Variants in ARMH1 observed in about 807,000 individuals in gnomAD.
The protein encoded by ARMH1 is armadillo-like helical domain containing protein 1.
In ARMH1, 34 loss-of-function variants were observed where a neutral mutation model predicts 50.2. The observed-to-expected ratio is 0.68, with a 90% CI of 0.51 to 0.90. The LOEUF is 0.90. Ranked by LOEUF, ARMH1 falls within the 40% of genes least tolerant of loss-of-function variation. The probability of loss-of-function intolerance (pLI) is 0.00; values close to 1 mark genes in which losing one functional copy is unlikely to be tolerated. For missense variants in ARMH1, 538 were observed against 553.9 expected (o/e 0.97, Z 0.29); for synonymous variants, 221 against 224.2 (o/e 0.99, Z 0.13).
At chr1:44,702,214 C>T (rs1352460704) in intron 5 of ARMH1, among the ~76,000 whole-genome samples, 3 of 152,174 alleles carry the variant, frequency 2.0e-5, no homozygotes, top group East Asian at 1.9e-4. Context: ...CTTATCTACA[C>T]GCTCTCTCTT....
At chr1:44,704,249 C>A in intron 6 of ARMH1, 76 bp downstream of exon 6, 1 of 1,113,482 alleles carries the variant, frequency 9.0e-7, no homozygotes, top group Non-Finnish European at 1.3e-6. Context: ...CTCTTAGTCA[C>A]AAAGAGCCTT....
intron 6 of ARMH1, among the ~76,000 whole-genome samples, chr1:44,721,051 C>CA (rs770266507): frequency 4.0e-5 from 6 of 151,254 alleles, no homozygotes; most frequent in Admixed American, 6.6e-5. Flanking sequence ...CAAAACAAAA[C>CA]AAAAAAAGGG....
rs144707449 is a variant in ARMH1 at position 44,695,757 on chromosome 1, T to C, written c.207-1345T>C. Among the ~76,000 whole-genome samples, 280 of 151,816 alleles carry C rather than the reference T, an allele frequency of 1.8e-3. 2 individuals carry two copies. Among genetic ancestry groups the C allele is most frequent in the East Asian group, 3.5e-3 (18 of 5,150 alleles). Reference sequence around the variant, plus strand: ...AAGTCCGAAACTAGTCTGGGCAACATAGCGAGACCCCTGTCTCTACAAAAA... The same window carrying C: ...AAGTCCGAAACTAGTCTGGGCAACACAGCGAGACCCCTGTCTCTACAAAAA... On this transcript the variant is annotated intron_variant, in intron 2 of 11. Coordinates refer to ENST00000535358, the MANE Select transcript of ARMH1 (RefSeq NM_001145636.2).
intron 2 of ARMH1, among the ~76,000 whole-genome samples, chr1:44,696,221 T>C (rs1444290379): frequency 6.6e-6 from 1 of 152,240 alleles, no homozygotes; most frequent in East Asian, 1.9e-4. Flanking sequence ...CCAATCTGTC[T>C]CTACTTCTAT....
intron 4 of ARMH1, 75 bp from the exon 5 acceptor site, chr1:44,700,848 C>A: frequency 7.7e-7 from 1 of 1,298,768 alleles, no homozygotes; most frequent in Non-Finnish European, 1.0e-6. Flanking sequence ...TAATCCTATT[C>A]ATATTATATA....
chr1:44,718,110 G>C (rs1196761745), intron 6 of ARMH1, among the ~76,000 whole-genome samples: 1 of 152,162 alleles, frequency 6.6e-6, no homozygotes, highest in African/African-American at 2.4e-5. Flanking sequence ...GGTTCTACAT[G>C]GGCAGAAAAT....
intron 4 of ARMH1, among the ~76,000 whole-genome samples, 190 bp from the exon 5 acceptor site, chr1:44,700,733 T>C (rs1646046647): frequency 6.6e-6 from 1 of 151,852 alleles, no homozygotes; most frequent in African/African-American, 2.4e-5. Flanking sequence ...TATGCTGAAA[T>C]AAAATCCTCC....
chr1:44,703,590 A>G (rs1291832912), intron 5 of ARMH1, among the ~76,000 whole-genome samples: 4 of 146,734 alleles, frequency 2.7e-5, no homozygotes, highest in African/African-American at 9.9e-5. Context: ...TTAGCTGGGC[A>G]TGGTGGCGGG....
intron 6 of ARMH1, among the ~76,000 whole-genome samples, chr1:44,719,333 G>A (rs1381057570): frequency 6.6e-6 from 1 of 152,190 alleles, no homozygotes; most frequent in African/African-American, 2.4e-5. Context: ...AGCAGGATCT[G>A]GCACAAGGGC....
At chr1:44,691,915 C>T (rs1645671670) in intron 2 of ARMH1, among the ~76,000 whole-genome samples, 1 of 152,142 alleles carries the variant, frequency 6.6e-6, no homozygotes, top group Non-Finnish European at 1.5e-5. Flanking sequence ...TGTCTGTGCT[C>T]AGGATCCCTG....
In ARMH1 at chr1:44,691,773, G is replaced by T. The variant is rs558616358; in HGVS notation, c.206+1870G>T. On this transcript the variant is annotated intron_variant, in intron 2 of 11. Transcript: ENST00000535358. ...CCCATATATCCATCTTCACTCATAT[G>T]CCACAAGATGAGTGTCACATATCTG... is the stretch of plus-strand genomic sequence containing the variant. Among the ~76,000 whole-genome samples the T allele has an allele frequency of 2.6e-5, 4 of 152,270 alleles. No individual in the cohort carries two copies. In the East Asian group the frequency reaches 7.7e-4, roughly 29 times the overall value.
At chr1:44,685,489 G>T (rs1480619757) in intron 1 of ARMH1, among the ~76,000 whole-genome samples, 2 of 151,906 alleles carry the variant, frequency 1.3e-5, no homozygotes, top group Non-Finnish European at 2.9e-5. Flanking sequence ...TAATTTGGGG[G>T]TGAGGGGATG....
At chr1:44,685,376 A>G (rs530570957) in intron 1 of ARMH1, among the ~76,000 whole-genome samples, 79 of 147,632 alleles carry the variant, frequency 5.4e-4, no homozygotes, top group African/African-American at 1.9e-3. Flanking sequence ...TGGCGGGATC[A>G]TAGATCACTG....
In ARMH1 at chr1:44,725,544, G is replaced by A. The variant is rs1648169055; in HGVS notation, c.*141G>A. 2.6e-6 allele frequency: 2 copies of A among 782,212 alleles called. No homozygotes were observed. Among genetic ancestry groups the A allele is most frequent in the Non-Finnish European group, 2.1e-6 (1 of 477,434 alleles). The allele number at this position is 782,212 out of a possible 1,614,324, so 48.5% of individuals were successfully genotyped here. ...GATTAGGCATCCCAGAGGGGCAGAG[G>A]AAGAGCCGCTGGCTGCGAAGAGTCA... On this transcript the variant is annotated 3_prime_UTR_variant, in exon 12 of 12. Transcript: ENST00000535358.
At position 44,724,612 on chromosome 1, in the gene ARMH1, G is replaced by A; in HGVS notation, c.994G>A (p.Ala332Thr). 3 of 1,514,824 alleles carry A rather than the reference G, an allele frequency of 2.0e-6. No individual in the cohort carries two copies. The highest frequency in any genetic ancestry group is 1.4e-5 in the African/African-American group (1 of 69,484). 93.8% of individuals were successfully genotyped at this position (1,514,824 alleles called of 1,614,324 possible). A position where few individuals can be genotyped will look rare whatever the true frequency, so the allele number is the denominator to read the frequency against. Reference protein sequence around the residue: ...YLRVVRGLMAAMGNTDHSNSQ... With the variant: ...YLRVVRGLMATMGNTDHSNSQ... Reference sequence around the variant, plus strand: ...GCGCGTGGTGCGTGGCCTAATGGCCGCCATGGGCAACACGGACCACAGCAA... The same window carrying A: ...GCGCGTGGTGCGTGGCCTAATGGCCACCATGGGCAACACGGACCACAGCAA... Residue 332 changes from alanine to threonine, a missense_variant, in exon 9 of 12, where the codon GCC becomes ACC. By Grantham distance (58) the Ala-to-Thr change is moderately conservative. Coordinates refer to ENST00000535358, the MANE Select transcript of ARMH1 (RefSeq NM_001145636.2). This position sits in a 1 kb window ranked among gnomAD's most constrained non-coding sequence, Gnocchi z 6.4.
At chr1:44,689,934 T>C in intron 2 of ARMH1, 31 bp downstream of exon 2, 1 of 1,536,596 alleles carries the variant, frequency 6.5e-7, no homozygotes, top group East Asian at 2.5e-5. Flanking sequence ...AAAAAAAAAT[T>C]AGGCACCGGG....
In ARMH1 at chr1:44,724,076, G is replaced by C. The variant is rs182464303; in HGVS notation, c.725-46G>C. 0.018 allele frequency: 27,285 copies of C among 1,531,460 alleles called. 299 individuals carry two copies. Among genetic ancestry groups the C allele is most frequent in the Non-Finnish European group, 0.022 (24,958 of 1,136,714 alleles). The allele number at this position is 1,531,460 out of a possible 1,614,324, so 94.9% of individuals were successfully genotyped here. On this transcript the variant is annotated intron_variant, in intron 6 of 11. Transcript: ENST00000535358. The surrounding 1 kb of genome is among the most constrained non-coding windows in gnomAD (Gnocchi z 6.4). ...CACGGGGTTCTTTGCTTCCTCGGTG[G>C]CGGAGGGGCCTGGGGCCTCTCTCCA...
In ARMH1 at chr1:44,682,321, C is replaced by T. The variant is rs554491442; in HGVS notation, c.-22-7355C>T. 4.6e-5 allele frequency among the ~76,000 whole-genome samples: 7 copies of T among 152,218 alleles called. No individual in the cohort carries two copies. Among genetic ancestry groups the T allele is most frequent in the East Asian group, 1.9e-4 (1 of 5,152 alleles). The stretch of plus-strand genomic sequence containing the variant: ...AGGCTTACGTGTCAAAGTCATTGAT[C>T]GGCACTGCGGCAAGGTAGAGAGGGA... On this transcript the variant is annotated intron_variant, in intron 1 of 11. Coordinates refer to ENST00000535358, the MANE Select transcript of ARMH1 (RefSeq NM_001145636.2). The surrounding 1 kb of genome is among the most constrained non-coding windows in gnomAD (Gnocchi z 4.5).
chr1:44,705,038 C>T (rs939341523), intron 6 of ARMH1, among the ~76,000 whole-genome samples: 3 of 149,814 alleles, frequency 2.0e-5, no homozygotes, highest in East Asian at 4.1e-4. Context: ...GGTTTCGCTG[C>T]GTTAGCCAGG....
Sources: allele counts gnomAD v4.1 joint callset (sites outside exome capture counted in the v4.1 genomes callset), GRCh38; gene constraint gnomAD v4.1.1; non-coding constraint Gnocchi (gnomAD v3.1); transcripts MANE v1.5; gene names NCBI Gene and HGNC (gene_info 2026-07-23, HGNC 2026-07-21).